The following PPP3CA variants were observed in gnomAD, a reference collection of about 807,000 sequenced individuals.
The protein encoded by PPP3CA is CAM-PRP catalytic subunit.
PPP3CA carries 14 observed loss-of-function variants against 66.5 expected under a neutral mutation model. The observed-to-expected ratio is 0.21, with a 90% CI of 0.14 to 0.33. The LOEUF (loss-of-function observed/expected upper bound fraction) is 0.33. Ranked by LOEUF, PPP3CA falls within the 10% of genes least tolerant of loss-of-function variation. The probability of loss-of-function intolerance (pLI) is 1.00; values close to 1 mark genes in which losing one functional copy is unlikely to be tolerated. For synonymous variants in PPP3CA, 232 were observed against 226.2 expected, an observed-to-expected ratio of 1.03 and a Z score of -0.23; for missense variants, 317 against 639.5, an observed-to-expected ratio of 0.50 and a Z score of 5.44.
At chr4:101,272,006 T>C (rs1006382906) in intron 1 of PPP3CA, among the ~76,000 whole-genome samples, 3 of 152,206 alleles carry the variant, frequency 2.0e-5, no homozygotes, top group Non-Finnish European at 2.9e-5. Flanking sequence ...ATTCACTTAA[T>C]AGTTAGGAAT....
chr4:101,059,734 C>T (rs955912027), intron 10 of PPP3CA, among the ~76,000 whole-genome samples: 2 of 151,944 alleles, frequency 1.3e-5, no homozygotes, highest in African/African-American at 2.4e-5. Context: ...TTTCCCTTGC[C>T]CTCTTCACCC....
At chr4:101,137,254 T>G (rs1384952627) in intron 2 of PPP3CA, among the ~76,000 whole-genome samples, 1 of 152,090 alleles carries the variant, frequency 6.6e-6, no homozygotes, top group Non-Finnish European at 1.5e-5. Context: ...CAGTAGAAGA[T>G]TGCTAAATTA....
At chr4:101,314,203 C>T (rs1277992453) in intron 1 of PPP3CA, among the ~76,000 whole-genome samples, 1 of 152,162 alleles carries the variant, frequency 6.6e-6, no homozygotes, top group Admixed American at 6.5e-5. Flanking sequence ...CTTGTACTGA[C>T]AACATTAGTG....
intron 1 of PPP3CA, among the ~76,000 whole-genome samples, chr4:101,282,770 C>T (rs1727726199): frequency 1.3e-5 from 2 of 152,160 alleles, no homozygotes; most frequent in East Asian, 1.9e-4. Flanking sequence ...CCACCTCGCA[C>T]CACAGAAACA....
At chr4:101,339,027 T>A (rs567348822) in intron 1 of PPP3CA, among the ~76,000 whole-genome samples, 107 of 152,344 alleles carry the variant, frequency 7.0e-4, no homozygotes, top group Non-Finnish European at 1.4e-3. Flanking sequence ...CTTGTGAGAA[T>A]CTAAGGAGAC....
chr4:101,034,587 C>T (rs1727158387), intron 11 of PPP3CA, among the ~76,000 whole-genome samples: 1 of 148,348 alleles, frequency 6.7e-6, no homozygotes, highest in Admixed American at 6.9e-5. Context: ...CAGACTAGAA[C>T]AGTACCTGGT....
At chr4:101,301,755 T>C (rs2110299880) in intron 1 of PPP3CA, among the ~76,000 whole-genome samples, 1 of 149,550 alleles carries the variant, frequency 6.7e-6, no homozygotes, top group South Asian at 2.1e-4. Context: ...CCTCCCAAAG[T>C]GCTGGGATTA....
intron 1 of PPP3CA, among the ~76,000 whole-genome samples, chr4:101,258,076 A>G (rs1726902786): frequency 6.6e-6 from 1 of 152,138 alleles, no homozygotes; most frequent in African/African-American, 2.4e-5. Context: ...GCACAATTCC[A>G]GTAGTAGTAA....
chr4:101,302,498 C>A (rs1397456685), intron 1 of PPP3CA, among the ~76,000 whole-genome samples: 1 of 152,176 alleles, frequency 6.6e-6, no homozygotes, highest in Non-Finnish European at 1.5e-5. Context: ...ATTAACAGAA[C>A]ATGACATGAC....
chr4:101,268,891 T>C (rs939792645), intron 1 of PPP3CA, among the ~76,000 whole-genome samples: 3 of 152,158 alleles, frequency 2.0e-5, no homozygotes, highest in African/African-American at 7.2e-5. Flanking sequence ...TTTATTCTTT[T>C]TACTAAGTTG....
At chr4:101,042,977 G>C (rs28704078) in intron 10 of PPP3CA, among the ~76,000 whole-genome samples, 9,683 of 151,682 alleles carry the variant, frequency 0.064, 348 homozygotes, top group African/African-American at 0.093. Flanking sequence ...TGAACTCAGG[G>C]GTCATGATGT....
intron 1 of PPP3CA, among the ~76,000 whole-genome samples, chr4:101,289,865 CGTGTATGTGTGTGTGTGTGTGTGT>C (rs1727964047): frequency 8.5e-6 from 1 of 117,960 alleles, no homozygotes; most frequent in Non-Finnish European, 1.7e-5. Context: ...CCAAAATGTC[CGTGTATGTGTGTGTGTGTGTGTGT>C]GTGTGTGTGT....
chr4:101,183,570 C>T (rs1724310578), intron 2 of PPP3CA, among the ~76,000 whole-genome samples: 1 of 152,068 alleles, frequency 6.6e-6, no homozygotes, highest in Non-Finnish European at 1.5e-5. Context: ...TATCAAAATC[C>T]TTTGCCCTGT....
At chr4:101,110,255 T>C (rs1310610101) in intron 2 of PPP3CA, among the ~76,000 whole-genome samples, 1 of 152,186 alleles carries the variant, frequency 6.6e-6, no homozygotes, top group African/African-American at 2.4e-5. Context: ...CATTATATCC[T>C]GCAATTACAA....
At chr4:101,206,056 G>C (rs1436838233) in intron 1 of PPP3CA, among the ~76,000 whole-genome samples, 2 of 152,170 alleles carry the variant, frequency 1.3e-5, no homozygotes, top group Non-Finnish European at 2.9e-5. Flanking sequence ...AAAACATCAG[G>C]CCCTCTGGGT....
chr4:101,090,297 A>G (rs1353800461), intron 6 of PPP3CA, among the ~76,000 whole-genome samples: 1 of 152,208 alleles, frequency 6.6e-6, no homozygotes. Context: ...ATATTCAGCT[A>G]TTCACATAAT....
intron 6 of PPP3CA, among the ~76,000 whole-genome samples, chr4:101,087,330 T>A (rs1415520273): frequency 6.6e-6 from 1 of 152,214 alleles, no homozygotes; most frequent in Non-Finnish European, 1.5e-5. Context: ...TAAGGCAAAC[T>A]TTTTAGTAAA....
intron 1 of PPP3CA, among the ~76,000 whole-genome samples, chr4:101,260,046 G>A (rs1726963550): frequency 1.3e-5 from 2 of 152,116 alleles, no homozygotes; most frequent in African/African-American, 4.8e-5. Flanking sequence ...TTAGCAAGGT[G>A]ACCAGTTTAG....
At chr4:101,272,616 C>T (rs1369430819) in intron 1 of PPP3CA, among the ~76,000 whole-genome samples, 1 of 152,172 alleles carries the variant, frequency 6.6e-6, no homozygotes, top group East Asian at 1.9e-4. Context: ...CTCAGTTCCT[C>T]CACTTACTTC....
Sources: gnomAD v4.1 joint callset for allele counts (sites outside exome capture counted in the v4.1 genomes callset) on GRCh38, gnomAD v4.1.1 for gene constraint, MANE v1.5 for transcripts, NCBI Gene and HGNC (gene_info 2026-07-23, HGNC 2026-07-21) for gene names.